KLRD1: variants seen among roughly 807,000 people sequenced by gnomAD.
KLRD1 encodes the protein killer cell lectin like receptor D1.
KLRD1 carries 21 observed loss-of-function variants against 22.6 expected under a neutral mutation model. The observed-to-expected ratio is 0.93, with a 90% CI of 0.66 to 1.34. The LOEUF is 1.34. Ranked by LOEUF, KLRD1 falls within the 40% of genes most tolerant of loss-of-function variation. The pLI is 0.00. For missense variants in KLRD1, 183 were observed against 208.6 expected (o/e 0.88, Z 0.76); for synonymous variants, 59 against 71.1 (o/e 0.83, Z 0.85).
At chr12:10,298,874 T>C (rs1388163474) in intron 1 of KLRD1, among the ~76,000 whole-genome samples, 1 of 152,242 alleles carries the variant, frequency 6.6e-6, no homozygotes, top group Admixed American at 6.5e-5. Context: ...CTCTCAGCTC[T>C]GAAGGCTGTG....
intron 1 of KLRD1, among the ~76,000 whole-genome samples, chr12:10,257,798 A>AT (rs1242723194): frequency 6.6e-6 from 1 of 151,462 alleles, no homozygotes. Flanking sequence ...ATGCTTTGAG[A>AT]TTTTTTTGAA....
intron 1 of KLRD1, among the ~76,000 whole-genome samples, chr12:10,246,105 C>A (rs1391451451): frequency 6.6e-6 from 1 of 152,130 alleles, no homozygotes; most frequent in Non-Finnish European, 1.5e-5. Context: ...TATAATATCC[C>A]TAGGATTTAT....
chr12:10,265,740 G>C (rs575730836), intron 1 of KLRD1, among the ~76,000 whole-genome samples: 30 of 152,186 alleles, frequency 2.0e-4, no homozygotes, highest in Non-Finnish European at 3.4e-4. Flanking sequence ...CTGGGTGACA[G>C]AGTGAGAATC....
chr12:10,253,562 C>G (rs1482816614), intron 1 of KLRD1, among the ~76,000 whole-genome samples: 2 of 64,754 alleles, frequency 3.1e-5, no homozygotes, highest in East Asian at 6.0e-4. Flanking sequence ...GCTCCTCTCC[C>G]TTCTCTCACC....
At chr12:10,254,134 A>G (rs1052413540) in intron 1 of KLRD1, among the ~76,000 whole-genome samples, 2 of 152,186 alleles carry the variant, frequency 1.3e-5, no homozygotes, top group Non-Finnish European at 2.9e-5. Flanking sequence ...AGCAAAAGAA[A>G]CTATCCACAG....
chr12:10,241,929 T>C (rs1300374907), intron 1 of KLRD1, among the ~76,000 whole-genome samples: 2 of 152,136 alleles, frequency 1.3e-5, no homozygotes, highest in African/African-American at 4.8e-5. Flanking sequence ...AAGTTCTTCC[T>C]GTGGTGTTGG....
intron 1 of KLRD1, among the ~76,000 whole-genome samples, chr12:10,288,991 C>T (rs944336544): frequency 7.2e-5 from 11 of 152,126 alleles, no homozygotes; most frequent in Admixed American, 2.6e-4. Flanking sequence ...GTTAGGGCAT[C>T]CTTTTACCTC....
chr12:10,247,892 A>G (rs1391579003), intron 1 of KLRD1, among the ~76,000 whole-genome samples: 1 of 152,160 alleles, frequency 6.6e-6, no homozygotes, highest in African/African-American at 2.4e-5. Flanking sequence ...CAGAGCTGTG[A>G]GTCAATTAAA....
At chr12:10,271,295 G>A (rs1201712405) in intron 1 of KLRD1, among the ~76,000 whole-genome samples, 2 of 151,974 alleles carry the variant, frequency 1.3e-5, no homozygotes, top group East Asian at 3.9e-4. Context: ...TAACTTTTTC[G>A]AAATTAAAAT....
In KLRD1 at chr12:10,320,096, G is replaced by C. The variant is rs986440111; in HGVS notation, c.*5303G>C. The C allele has an allele frequency of 2.0e-5, 3 of 151,910 alleles. No individual in the cohort carries two copies. The highest frequency in any genetic ancestry group is 7.3e-5 in the African/African-American group (3 of 41,368). 9.4% of individuals were successfully genotyped at this position (151,910 alleles called of 1,614,324 possible). On this transcript the variant is annotated 3_prime_UTR_variant, in exon 6 of 6. Transcript: ENST00000336164. ...TTGGTCAGGCTGGTCTTGAACTCCT[G>C]ACCTCAGGTGATCTGCCTACCTCAC...
chr12:10,291,345 A>G (rs1263914909), intron 1 of KLRD1, among the ~76,000 whole-genome samples: 3 of 152,144 alleles, frequency 2.0e-5, no homozygotes, highest in Non-Finnish European at 4.4e-5. Flanking sequence ...CTTTTCACAA[A>G]AGATTTCTCT....
intron 1 of KLRD1, among the ~76,000 whole-genome samples, chr12:10,280,613 G>T (rs961254747): frequency 6.6e-6 from 1 of 152,144 alleles, no homozygotes; most frequent in Non-Finnish European, 1.5e-5. Flanking sequence ...TGAGGAAGGA[G>T]CTAGAGAATT....
chr12:10,273,640 A>G lies in KLRD1; in HGVS notation c.-100-34338A>G, dbSNP rs139166349. Among the ~76,000 whole-genome samples, 8 of 152,326 alleles carry G rather than the reference A, an allele frequency of 5.3e-5. No individual in the cohort carries two copies. In the East Asian group the frequency reaches 5.8e-4, roughly 11 times the overall value. On this transcript the variant is annotated intron_variant, in intron 1 of 5. Transcript: ENST00000544747. ...AAGCATATAATTTCATTGGCAGACT[A>G]TGGAGCATTGTTGGGTCTTAAGTTG...
intron 1 of KLRD1, among the ~76,000 whole-genome samples, chr12:10,288,646 G>C (rs1949734512): frequency 6.6e-6 from 1 of 151,976 alleles, no homozygotes; most frequent in Non-Finnish European, 1.5e-5. Context: ...TGAAGTAAAA[G>C]TTATAAAATA....
chr12:10,311,581 C>A lies in KLRD1; in HGVS notation c.281C>A (p.Ser94Tyr), dbSNP rs779211498. ...CGGCATCTCTGTGCTTCTCAGAAAT[C>A]CAGCCTGCTTCAGCTTCAAAACACA... ...ESRHLCASQK[S>Y]SLLQLQNTDE... The change falls in exon 4 of 6, where the codon TCC becomes TAC. Residue 94 changes from serine to tyrosine, a missense_variant. Transcript: ENST00000336164. The A allele has an allele frequency of 6.2e-7, 1 of 1,614,072 alleles. No homozygotes were observed. Among genetic ancestry groups the A allele is most frequent in the South Asian group, 1.1e-5 (1 of 91,076 alleles).
At chr12:10,275,240 A>G (rs1226709348) in intron 1 of KLRD1, among the ~76,000 whole-genome samples, 3 of 152,004 alleles carry the variant, frequency 2.0e-5, no homozygotes, top group Non-Finnish European at 4.4e-5. Context: ...TTTTTCGGGT[A>G]CTTTGCTTGT....
intron 1 of KLRD1, chr12:10,308,403 C>A: frequency 3.2e-6 from 1 of 313,300 alleles, no homozygotes; most frequent in South Asian, 5.2e-5. Context: ...ATAGAAAATG[C>A]CAAATATTAA....
At chr12:10,288,386 C>G (rs1949731441) in intron 1 of KLRD1, among the ~76,000 whole-genome samples, 1 of 151,994 alleles carries the variant, frequency 6.6e-6, no homozygotes, top group South Asian at 2.1e-4. Context: ...ATTTATCTAT[C>G]TAAATTTGAA....
In KLRD1 at chr12:10,322,279, T is replaced by C; in HGVS notation, c.*7486T>C. On this transcript the variant is annotated 3_prime_UTR_variant, in exon 6 of 6. Coordinates refer to ENST00000336164, the MANE Select transcript of KLRD1 (RefSeq NM_002262.5). ...CCAGGCTGGTCTCCAACTCCTGGCC[T>C]CAAGTGATCCACCTGCCTCGGCCTC... The C allele has an allele frequency of 6.6e-6, 1 of 152,302 alleles. No individual in the cohort carries two copies. Among genetic ancestry groups the C allele is most frequent in the African/African-American group, 2.4e-5 (1 of 41,464 alleles). The allele number at this position is 152,302 out of a possible 1,614,324, so 9.4% of individuals were successfully genotyped here.
Sources: allele counts gnomAD v4.1 joint callset (sites outside exome capture counted in the v4.1 genomes callset), GRCh38; gene constraint gnomAD v4.1.1; transcripts MANE v1.5; gene names NCBI Gene and HGNC (gene_info 2026-07-23, HGNC 2026-07-21).